UBE2E2: variants seen among roughly 807,000 people sequenced by gnomAD.
The protein encoded by UBE2E2 is ubiquitin conjugating enzyme E2 E2.
UBE2E2 carries 6 observed loss-of-function variants against 24.7 expected under a neutral mutation model. That is an observed-to-expected ratio of 0.24 (90% CI 0.13 to 0.48). UBE2E2 has a LOEUF of 0.48. Among genes scored for constraint, UBE2E2 ranks in the 20% least tolerant of loss-of-function variants. UBE2E2 has a pLI of 0.99. For synonymous variants in UBE2E2, 104 were observed against 83.6 expected, an observed-to-expected ratio of 1.24 and a Z score of -1.33; for missense variants, 169 against 245.0, an observed-to-expected ratio of 0.69 and a Z score of 2.07.
chr3:23,438,771 A>G (rs1318243237), intron 3 of UBE2E2, among the ~76,000 whole-genome samples: 1 of 152,244 alleles, frequency 6.6e-6, no homozygotes, highest in Non-Finnish European at 1.5e-5. Flanking sequence ...GAGAAACTTA[A>G]CATAGTTCAT....
intron 4 of UBE2E2, among the ~76,000 whole-genome samples, chr3:23,512,689 A>G (rs1240884933): frequency 6.6e-6 from 1 of 152,180 alleles, no homozygotes; most frequent in African/African-American, 2.4e-5. Flanking sequence ...TCATGCCTGT[A>G]ATCCCAGCAC....
At chr3:23,359,963 G>C (rs1388800046) in intron 3 of UBE2E2, among the ~76,000 whole-genome samples, 2 of 141,928 alleles carry the variant, frequency 1.4e-5, no homozygotes, top group Admixed American at 6.8e-5. Flanking sequence ...CAGAAAGCCA[G>C]TCCTCTCTCT....
At chr3:23,563,559 G>A (rs1165376563) in intron 5 of UBE2E2, among the ~76,000 whole-genome samples, 1 of 152,168 alleles carries the variant, frequency 6.6e-6, no homozygotes, top group Admixed American at 6.6e-5. Flanking sequence ...TTGGGGTGGA[G>A]AGTTCTGTAG....
chr3:23,218,898 G>C (rs1323430286), intron 3 of UBE2E2, among the ~76,000 whole-genome samples: 1 of 152,114 alleles, frequency 6.6e-6, no homozygotes. Flanking sequence ...CTGAAATTTG[G>C]AGGTTTACTT....
chr3:23,503,147 T>G (rs572229970), intron 4 of UBE2E2, among the ~76,000 whole-genome samples: 2 of 151,936 alleles, frequency 1.3e-5, no homozygotes, highest in East Asian at 3.9e-4. Context: ...CTTTGTTTTT[T>G]GGGGTTTTTT....
chr3:23,423,606 T>G (rs1156523695), intron 3 of UBE2E2, among the ~76,000 whole-genome samples: 1 of 152,214 alleles, frequency 6.6e-6, no homozygotes, highest in African/African-American at 2.4e-5. Context: ...TATAACACAC[T>G]AATGCCATAA....
chr3:23,459,520 A>T (rs879286879), intron 3 of UBE2E2, among the ~76,000 whole-genome samples: 2 of 152,212 alleles, frequency 1.3e-5, no homozygotes, highest in African/African-American at 4.8e-5. Context: ...TTACAAATCC[A>T]GACACCTTTA....
intron 5 of UBE2E2, among the ~76,000 whole-genome samples, chr3:23,565,613 C>T (rs1262242190): frequency 6.6e-6 from 1 of 151,922 alleles, no homozygotes; most frequent in East Asian, 1.9e-4. Flanking sequence ...TTGGGATTTC[C>T]ACCTAGGGAG....
Position 23,452,696 on chromosome 3 carries a change from A to C in UBE2E2, c.228-46912A>C, listed in dbSNP as rs148505249. ...GTTGGTCAAAGATGAGAACAACTTT[A>C]TCCCTGATGGGAGAAAGACATTTTA... is the stretch of plus-strand genomic sequence containing the variant. On this transcript the variant is annotated intron_variant, in intron 3 of 5. Transcript: ENST00000396703. Among the ~76,000 whole-genome samples the C allele has an allele frequency of 1.9e-3, 288 of 152,312 alleles. 2 individuals carry two copies. Among genetic ancestry groups the C allele is most frequent in the African/African-American group, 6.6e-3 (276 of 41,582 alleles).
chr3:23,416,713 C>T (rs1697643775), intron 3 of UBE2E2, among the ~76,000 whole-genome samples: 1 of 152,212 alleles, frequency 6.6e-6, no homozygotes, highest in Non-Finnish European at 1.5e-5. Context: ...GGTCTTTTCA[C>T]ATAGTCCCAT....
At chr3:23,355,938 G>T (rs1013363316) in intron 3 of UBE2E2, among the ~76,000 whole-genome samples, 2 of 152,184 alleles carry the variant, frequency 1.3e-5, no homozygotes, top group African/African-American at 4.8e-5. Context: ...AATTTTGTTA[G>T]ATCCTGCCAT....
Position 23,589,985 on chromosome 3 carries a change from C to A in UBE2E2, c.*154C>A. ...ATGGTATGTTGTCCATCTTCCCATC[C>A]CAGTTCTTCCTGCCCCCCTTCCTCT... is the stretch of plus-strand genomic sequence containing the variant. On this transcript the variant is annotated 3_prime_UTR_variant, in exon 6 of 6. Coordinates refer to ENST00000396703, the MANE Select transcript of UBE2E2 (RefSeq NM_152653.4). The surrounding 1 kb of genome is among the most constrained non-coding windows in gnomAD (Gnocchi z 4.1). The A allele has an allele frequency of 6.7e-6, 4 of 595,742 alleles. No homozygotes were observed. The East Asian group carries it at 1.2e-4, about 17-fold the overall frequency. The allele number at this position is 595,742 out of a possible 1,614,324, so 36.9% of individuals were successfully genotyped here.
intron 4 of UBE2E2, among the ~76,000 whole-genome samples, chr3:23,504,212 T>C (rs1299288597): frequency 6.6e-6 from 1 of 152,224 alleles, no homozygotes; most frequent in African/African-American, 2.4e-5. Flanking sequence ...TACTTTTTAA[T>C]CTAATGTTAT....
At chr3:23,506,111 G>T (rs1449059687) in intron 4 of UBE2E2, among the ~76,000 whole-genome samples, 2 of 152,192 alleles carry the variant, frequency 1.3e-5, no homozygotes, top group African/African-American at 4.8e-5. Flanking sequence ...AGTGATTTAT[G>T]TGTGTAAACC....
At position 23,484,704 on chromosome 3, in the gene UBE2E2, G is replaced by A. The variant is rs531973859; in HGVS notation, c.228-14904G>A. On this transcript the variant is annotated intron_variant, in intron 3 of 5. Transcript: ENST00000396703. The stretch of plus-strand genomic sequence containing the variant: ...TATAATGAACTCACAGCTTCACATG[G>A]CTGGGAAGGCCTCACAATCATGGCG... Among the ~76,000 whole-genome samples, 7 of 152,296 alleles carry A rather than the reference G, an allele frequency of 4.6e-5. No homozygotes were observed. In the South Asian group the frequency reaches 1.5e-3, roughly 32 times the overall value.
At chr3:23,562,602 T>A (rs1695961660) in intron 5 of UBE2E2, among the ~76,000 whole-genome samples, 2 of 152,184 alleles carry the variant, frequency 1.3e-5, no homozygotes, top group African/African-American at 4.8e-5. Flanking sequence ...TTAGGGAGGA[T>A]TCCCTCTTTT....
intron 3 of UBE2E2, among the ~76,000 whole-genome samples, chr3:23,291,922 G>A (rs1470704512): frequency 2.2e-5 from 3 of 138,632 alleles, no homozygotes; most frequent in Admixed American, 7.9e-5. Flanking sequence ...GCAGTGGCAC[G>A]ATCTCGGCTC....
At chr3:23,379,126 T>A (rs187763306) in intron 3 of UBE2E2, among the ~76,000 whole-genome samples, 94 of 152,226 alleles carry the variant, frequency 6.2e-4, no homozygotes, top group Admixed American at 3.7e-3. Flanking sequence ...ATGTCTGTGA[T>A]CAAAGTACTG....
chr3:23,359,036 G>T (rs1350483409), intron 3 of UBE2E2, among the ~76,000 whole-genome samples: 1 of 152,016 alleles, frequency 6.6e-6, no homozygotes, highest in East Asian at 1.9e-4. Context: ...AGAGACAAGG[G>T]GATGATCATG....
Sources: allele counts gnomAD v4.1 joint callset (sites outside exome capture counted in the v4.1 genomes callset), GRCh38; gene constraint gnomAD v4.1.1; non-coding constraint Gnocchi (gnomAD v3.1); transcripts MANE v1.5; gene names NCBI Gene and HGNC (gene_info 2026-07-23, HGNC 2026-07-21).